SPAG16: variants seen among roughly 807,000 people sequenced by gnomAD.
SPAG16 encodes sperm associated antigen 16, also known as sperm-associated antigen 16 protein.
In SPAG16, 86 loss-of-function variants were observed where a neutral mutation model predicts 80.4. The observed-to-expected ratio is 1.07, with a 90% confidence interval of 0.90 to 1.28. The LOEUF (loss-of-function observed/expected upper bound fraction) is 1.28, where lower values mean the gene tolerates loss of function less well. Among genes scored for constraint, SPAG16 ranks in the 50% most tolerant of loss-of-function variants. SPAG16 has a pLI of 0.00. For missense variants in SPAG16, 870 were observed against 765.3 expected, an observed-to-expected ratio of 1.14 and a Z score of -1.61; for synonymous variants, 294 against 265.9, an observed-to-expected ratio of 1.11 and a Z score of -1.03.
At chr2:213,563,172 T>A (rs1156950263) in intron 10 of SPAG16, among the ~76,000 whole-genome samples, 1 of 152,218 alleles carries the variant, frequency 6.6e-6, no homozygotes, top group African/African-American at 2.4e-5. Context: ...ACACTTAACA[T>A]TAATTTTGGT....
At chr2:214,073,438 T>C (rs1339667186) in intron 13 of SPAG16, among the ~76,000 whole-genome samples, 1 of 151,978 alleles carries the variant, frequency 6.6e-6, no homozygotes, top group African/African-American at 2.4e-5. Flanking sequence ...GGTTTCACCA[T>C]GTTGGCCAGG....
intron 10 of SPAG16, among the ~76,000 whole-genome samples, chr2:213,498,660 T>A (rs2074600305): frequency 6.6e-6 from 1 of 152,166 alleles, no homozygotes; most frequent in Non-Finnish European, 1.5e-5. Context: ...ACCTCAAATT[T>A]AGCAGGTCTC....
intron 11 of SPAG16, among the ~76,000 whole-genome samples, chr2:213,925,810 A>G (rs2078444576): frequency 6.6e-6 from 1 of 152,228 alleles, no homozygotes; most frequent in Non-Finnish European, 1.5e-5. Flanking sequence ...GTGAAGATCA[A>G]ATATATATAA....
chr2:213,751,393 T>G (rs2068070949), intron 10 of SPAG16, among the ~76,000 whole-genome samples: 1 of 152,164 alleles, frequency 6.6e-6, no homozygotes, highest in Non-Finnish European at 1.5e-5. Context: ...TAGAATAATG[T>G]AAATAAGTTC....
At chr2:214,049,911 A>G (rs2049549333) in intron 13 of SPAG16, among the ~76,000 whole-genome samples, 1 of 152,264 alleles carries the variant, frequency 6.6e-6, no homozygotes. Flanking sequence ...TAAAAAAGAG[A>G]TATAACATAT....
chr2:214,185,359 T>C (rs2057435051), intron 15 of SPAG16, among the ~76,000 whole-genome samples: 1 of 152,082 alleles, frequency 6.6e-6, no homozygotes, highest in Admixed American at 6.6e-5. Context: ...GCTTATTTCT[T>C]AGTTACTGGG....
intron 15 of SPAG16, among the ~76,000 whole-genome samples, chr2:214,325,065 A>T (rs552577955): frequency 6.6e-6 from 1 of 152,182 alleles, no homozygotes; most frequent in South Asian, 2.1e-4. Flanking sequence ...AGCTTCCCAA[A>T]CTTACTTATT....
intron 13 of SPAG16, among the ~76,000 whole-genome samples, chr2:214,054,142 T>C (rs1364730517): frequency 6.6e-6 from 1 of 152,126 alleles, no homozygotes; most frequent in African/African-American, 2.4e-5. Flanking sequence ...CTGAAGTAGC[T>C]GGGATTACAG....
intron 12 of SPAG16, among the ~76,000 whole-genome samples, chr2:213,937,084 T>A (rs891592602): frequency 6.6e-6 from 1 of 152,080 alleles, no homozygotes; most frequent in Admixed American, 6.6e-5. Context: ...TAAAAGAAAT[T>A]TTCTTATTAC....
At chr2:213,494,954 CCT>C (rs2074416599) in intron 10 of SPAG16, among the ~76,000 whole-genome samples, 1 of 152,234 alleles carries the variant, frequency 6.6e-6, no homozygotes, top group Non-Finnish European at 1.5e-5. Flanking sequence ...CTCATTCTAA[CCT>C]CTCTTAGCTC....
chr2:214,253,242 A>G lies in SPAG16; in HGVS notation c.1720+103976A>G, dbSNP rs183826775. 5.0e-3 allele frequency among the ~76,000 whole-genome samples: 757 copies of G among 152,068 alleles called. 5 individuals carry two copies. Among genetic ancestry groups the G allele is most frequent in the African/African-American group, 0.017 (719 of 41,482 alleles). On this transcript the variant is annotated intron_variant, in intron 15 of 15. Transcript: ENST00000331683. ...GGGTAGATTGAAAAAATATTCTCCCATTCTGTAGGTTGCCTGTTCACTCCT... is the reference window on the plus strand; with the variant it reads ...GGGTAGATTGAAAAAATATTCTCCCGTTCTGTAGGTTGCCTGTTCACTCCT...
intron 13 of SPAG16, among the ~76,000 whole-genome samples, chr2:214,039,447 A>G (rs2048889244): frequency 6.6e-6 from 1 of 152,226 alleles, no homozygotes; most frequent in South Asian, 2.1e-4. Flanking sequence ...AAGATTGACA[A>G]ATGGGATCTA....
chr2:213,725,316 A>G (rs1158386500), intron 10 of SPAG16, among the ~76,000 whole-genome samples: 1 of 152,238 alleles, frequency 6.6e-6, no homozygotes, highest in East Asian at 1.9e-4. Context: ...GAACCACTGC[A>G]CTGAGCCAAC....
At chr2:214,175,318 AATATATATATAAAGAAAT>A (rs1559105817) in intron 15 of SPAG16, among the ~76,000 whole-genome samples, 1 of 146,136 alleles carries the variant, frequency 6.8e-6, no homozygotes, top group Non-Finnish European at 1.5e-5. Flanking sequence ...TATATAAAGA[AATATATATATAAAGAAAT>A]ATATATATAT....
chr2:214,358,635 A>G (rs1698975559), intron 15 of SPAG16, among the ~76,000 whole-genome samples: 1 of 151,888 alleles, frequency 6.6e-6, no homozygotes, highest in Non-Finnish European at 1.5e-5. Context: ...CAGAAGAGTC[A>G]TTAGCCATGG....
chr2:213,957,005 T>C (rs2044179986), intron 12 of SPAG16, among the ~76,000 whole-genome samples: 2 of 152,188 alleles, frequency 1.3e-5, no homozygotes, highest in South Asian at 4.1e-4. Context: ...AGATACTTTG[T>C]ATCTTTTAAA....
intron 10 of SPAG16, among the ~76,000 whole-genome samples, chr2:213,710,596 G>A (rs2065941027): frequency 6.6e-6 from 1 of 152,116 alleles, no homozygotes; most frequent in Non-Finnish European, 1.5e-5. Context: ...TTACAATTAG[G>A]CGTACATAAA....
At chr2:213,760,051 A>C (rs538560723) in intron 10 of SPAG16, among the ~76,000 whole-genome samples, 3 of 152,312 alleles carry the variant, frequency 2.0e-5, no homozygotes, top group Admixed American at 6.5e-5. Context: ...AGAAAAAAAA[A>C]AGAATTCAAA....
intron 15 of SPAG16, among the ~76,000 whole-genome samples, chr2:214,262,715 T>C (rs1226264889): frequency 6.6e-6 from 1 of 152,092 alleles, no homozygotes; most frequent in Non-Finnish European, 1.5e-5. Flanking sequence ...TATTTGGCTC[T>C]AAAAGTATTT....
Sources: allele counts gnomAD v4.1 joint callset (sites outside exome capture counted in the v4.1 genomes callset), GRCh38; gene constraint gnomAD v4.1.1; transcripts MANE v1.5; gene names NCBI Gene and HGNC (gene_info 2026-07-23, HGNC 2026-07-21).